ZNF276: variants seen among roughly 807,000 people sequenced by gnomAD.
The protein encoded by ZNF276 is centromere protein Z.
A neutral mutation model predicts 63.9 loss-of-function variants in ZNF276; 59 were observed. The ratio of observed to expected loss-of-function variants is 0.92; its 90% confidence interval spans 0.75 to 1.15. The LOEUF is 1.15. ZNF276 is among the 50% of genes most tolerant of loss of function. The pLI, the probability that ZNF276 is intolerant of heterozygous loss-of-function variation, is 0.00. For missense variants in ZNF276, 1,084 were observed against 843.8 expected (o/e 1.28, Z -3.53); for synonymous variants, 496 against 348.4 (o/e 1.42, Z -4.72).
intron 4 of ZNF276, among the ~76,000 whole-genome samples, chr16:89,726,192 A>G (rs2061465134): frequency 7.0e-6 from 1 of 142,638 alleles, no homozygotes; most frequent in African/African-American, 2.6e-5. Context: ...ATTTTTTTGT[A>G]TTTGTATTTG....
At position 89,739,870 on chromosome 16, in the gene ZNF276, C is replaced by A. The variant is rs779935085; in HGVS notation, c.*1624C>A. ...CAAGTTTGTGCTTAATCTGTCCCAACTAAAATGGAGCTTATAAACTTACTT... is the reference window on the plus strand; with the variant it reads ...CAAGTTTGTGCTTAATCTGTCCCAAATAAAATGGAGCTTATAAACTTACTT... On this transcript the variant is annotated 3_prime_UTR_variant, in exon 11 of 11. Coordinates refer to ENST00000443381, the MANE Select transcript of ZNF276 (RefSeq NM_001113525.2). 1 of 1,546,638 alleles carries A rather than the reference C, an allele frequency of 6.5e-7. No individual in the cohort carries two copies. Among genetic ancestry groups the A allele is most frequent in the South Asian group, 1.2e-5 (1 of 80,074 alleles).
chr16:89,729,491 C>T lies in ZNF276; in HGVS notation c.1169+173C>T, dbSNP rs1358232160. Reference sequence around the variant, plus strand: ...GAGCGGGAGGCGGGGGAGGGGCAGGCGGGCAGGTGAGAAGGTGGGTCCTCC... The same window carrying T: ...GAGCGGGAGGCGGGGGAGGGGCAGGTGGGCAGGTGAGAAGGTGGGTCCTCC... On this transcript the variant is annotated intron_variant, in intron 6 of 10. Coordinates refer to ENST00000443381, the MANE Select transcript of ZNF276 (RefSeq NM_001113525.2). 6.0e-5 allele frequency among the ~76,000 whole-genome samples: 9 copies of T among 151,186 alleles called. No individual in the cohort carries two copies. In the South Asian group the frequency reaches 6.3e-4, roughly 11 times the overall value.
Position 89,734,016 on chromosome 16 carries a change from C to T in ZNF276, c.1452C>T (p.Arg484=). The T allele has an allele frequency of 1.2e-6, 2 of 1,614,096 alleles. No homozygotes were observed. Among genetic ancestry groups the T allele is most frequent in the Non-Finnish European group, 1.7e-6 (2 of 1,180,024 alleles). ...TCATGATCGACCGCTACCTGCAGCG[C>T]CACGTGAAGCTCATCCACACAGGTA... ...KVFMIDRYLQ[R]HVKLIHTEVR... The change falls in exon 9 of 11, where the codon CGC becomes CGT. Residue 484 remains arginine, a synonymous_variant. Transcript: ENST00000443381.
At chr16:89,736,446 T>G (rs71396957) in intron 9 of ZNF276, among the ~76,000 whole-genome samples, 1,968 of 151,776 alleles carry the variant, frequency 0.013, 32 homozygotes, top group South Asian at 0.093. Context: ...TGCCTCAGCC[T>G]CCCGAGTAGC....
intron 9 of ZNF276, among the ~76,000 whole-genome samples, chr16:89,735,533 T>C (rs1817737912): frequency 6.6e-6 from 1 of 152,132 alleles, no homozygotes; most frequent in African/African-American, 2.4e-5. Flanking sequence ...CTTCAGACTC[T>C]GCATCTGTCC....
At chr16:89,734,156 T>TG in intron 9 of ZNF276, 118 bp downstream of exon 9, 2 of 862,102 alleles carry the variant, frequency 2.3e-6, no homozygotes, top group Non-Finnish European at 3.7e-6. Flanking sequence ...AGGTGGCTCA[T>TG]GGGGTCTTTG....
In ZNF276 at chr16:89,737,922, A is replaced by AC. The variant is rs779679071; in HGVS notation, c.1574+22dup. The AC allele has an allele frequency of 4.9e-5, 76 of 1,556,070 alleles. No homozygotes were observed. Among genetic ancestry groups the AC allele is most frequent in the Middle Eastern group, 3.3e-4 (2 of 6,050 alleles). On this transcript the variant is annotated intron_variant, in intron 10 of 10. Coordinates refer to ENST00000443381, the MANE Select transcript of ZNF276 (RefSeq NM_001113525.2). ...GCCTTTGCAGTAAGTGTGAGTCAGG[A>AC]CCCCCTCCCAGGGCTGTGGCCCTCG...
At chr16:89,723,857 G>T in intron 4 of ZNF276, 148 bp downstream of exon 4, 1 of 894,282 alleles carries the variant, frequency 1.1e-6, no homozygotes, top group East Asian at 2.7e-5. Flanking sequence ...TCTGCCTGCG[G>T]CTGCTCACCA....
In ZNF276 at chr16:89,739,526, CGGA is replaced by C. The variant is rs927201841; in HGVS notation, c.*1288_*1290del. The C allele has an allele frequency of 3.3e-5, 51 of 1,551,202 alleles. No individual in the cohort carries two copies. The highest frequency in any genetic ancestry group is 4.4e-5 in the Non-Finnish European group (51 of 1,147,066). On this transcript the variant is annotated 3_prime_UTR_variant, in exon 11 of 11. Transcript: ENST00000443381. ...CCTGGTGTGCTGATCCGGGGCCACA[CGGA>C]GGAGGAGCCGCCCCAGCCTGAGGTC...
chr16:89,735,994 C>A (rs1029657765), intron 9 of ZNF276, among the ~76,000 whole-genome samples: 1 of 151,662 alleles, frequency 6.6e-6, no homozygotes, highest in Admixed American at 6.6e-5. Context: ...TGGGGTAAAG[C>A]CATTCTCCTG....
chr16:89,721,390 C>T (rs961148288), upstream of ZNF276: 1 of 379,612 alleles, frequency 2.6e-6, no homozygotes, highest in Non-Finnish European at 4.7e-6. Context: ...GCGACAGAGG[C>T]GGGCACGGCC....
Position 89,721,695 on chromosome 16 carries a change from G to C in ZNF276, c.55G>C (p.Gly19Arg), listed in dbSNP as rs1043621073. 2.9e-6 allele frequency: 4 copies of C among 1,396,182 alleles called. No homozygotes were observed. The highest frequency in any genetic ancestry group is 3.1e-5 in the East Asian group (1 of 32,300). 86.5% of individuals were successfully genotyped at this position (1,396,182 alleles called of 1,614,324 possible). Reference protein sequence around the residue: ...FLSPGSSRQCGASDGGGGVSR... With the variant: ...FLSPGSSRQCRASDGGGGVSR... ...GTCTCCTGGGTCGTCCCGACAGTGC[G>C]GGGCCTCGGACGGCGGCGGCGGCGT... The change falls in exon 1 of 11, where the codon GGG (glycine) becomes CGG (arginine). Residue 19 changes from glycine (G) to arginine (R), a missense_variant. Gly to Arg is a moderately radical substitution (Grantham distance 125). Coordinates refer to ENST00000443381, the MANE Select transcript of ZNF276 (RefSeq NM_001113525.2).
rs1393782175 is a variant in ZNF276, at chr16:89,733,390, A to G, written c.1258A>G (p.Lys420Glu). Residue 420 changes from lysine (K) to glutamate (E), a missense_variant, in exon 7 of 11, where the codon AAG (lysine) becomes GAG (glutamate). Lys to Glu is a moderately conservative substitution (Grantham distance 56). Coordinates refer to ENST00000443381, the MANE Select transcript of ZNF276 (RefSeq NM_001113525.2). ...GAAGCCGGGACCCAAGCCCGGATGG[A>G]AGAAGAAGCTTCGTTGTGAGAGGTG... ...RKKPGPKPGWKKKLRCEREEL... is the reference protein window; with the variant it reads ...RKKPGPKPGWEKKLRCEREEL... 1.2e-6 allele frequency: 2 copies of G among 1,612,428 alleles called. No individual in the cohort carries two copies. Among genetic ancestry groups the G allele is most frequent in the Non-Finnish European group, 1.7e-6 (2 of 1,178,692 alleles).
In ZNF276 at chr16:89,732,896, G is replaced by A. The variant is rs1230410975; in HGVS notation, c.1170-406G>A. On this transcript the variant is annotated intron_variant, in intron 6 of 10. Coordinates refer to ENST00000443381, the MANE Select transcript of ZNF276 (RefSeq NM_001113525.2). ...CCTGCTGTACCCCGCTGTACCCTGC[G>A]CCCTCGCCCTCTGCTGTGTTCACCC... is the stretch of plus-strand genomic sequence containing the variant. 30 of 262,908 alleles carry A rather than the reference G, an allele frequency of 1.1e-4. 2 individuals are homozygous for A. Among genetic ancestry groups the A allele is most frequent in the Admixed American group, 3.4e-4 (6 of 17,726 alleles). 16.3% of individuals were successfully genotyped at this position (262,908 alleles called of 1,614,324 possible). A position where few individuals can be genotyped will look rare whatever the true frequency, so the allele number is the denominator to read the frequency against.
intron 6 of ZNF276, chr16:89,733,042 ACCCTGCG>A: frequency 2.7e-6 from 1 of 371,122 alleles, no homozygotes; most frequent in East Asian, 4.9e-5. Context: ...ACCCTGCTGT[ACCCTGCG>A]CCCTCGCCCT....
upstream of ZNF276, chr16:89,721,434 G>T: frequency 2.2e-6 from 1 of 446,112 alleles, no homozygotes; most frequent in Non-Finnish European, 3.9e-6. Flanking sequence ...GGTACGAGCG[G>T]GGGCGCTGGC....
intron 5 of ZNF276, among the ~76,000 whole-genome samples, chr16:89,727,909 C>G (rs1218945017): frequency 6.6e-6 from 1 of 152,200 alleles, no homozygotes; most frequent in Non-Finnish European, 1.5e-5. Flanking sequence ...CAGAAGGGAC[C>G]TCATCAGTGT....
chr16:89,737,589 T>C lies in ZNF276; in HGVS notation c.1475-217T>C, dbSNP rs886052477. ...TCTGAGGTTTCTTTAAAAACCATCC[T>C]GAAATGCACACAGCTGATGAAGCCA... On this transcript the variant is annotated intron_variant, in intron 9 of 10. Coordinates refer to ENST00000443381, the MANE Select transcript of ZNF276 (RefSeq NM_001113525.2). 1 of 813,272 alleles carries C rather than the reference T, an allele frequency of 1.2e-6. No homozygotes were observed. Among genetic ancestry groups the C allele is most frequent in the Admixed American group, 3.2e-5 (1 of 31,010 alleles). 50.4% of individuals were successfully genotyped at this position (813,272 alleles called of 1,614,324 possible). A position where few individuals can be genotyped will look rare whatever the true frequency, so the allele number is the denominator to read the frequency against.
In ZNF276 at chr16:89,738,742, G is replaced by GC. The variant is rs765925445; in HGVS notation, c.*499dup. 3 of 1,612,478 alleles carry GC rather than the reference G, an allele frequency of 1.9e-6. No homozygotes were observed. The Admixed American group carries it at 5.0e-5, about 27-fold the overall frequency. The stretch of plus-strand genomic sequence containing the variant: ...GAGGAGCAGGTCCTCAGCCCATGCC[G>GC]CCCACTAGGCCTCAGACCACAGGGG... On this transcript the variant is annotated 3_prime_UTR_variant, in exon 11 of 11. Coordinates refer to ENST00000443381, the MANE Select transcript of ZNF276 (RefSeq NM_001113525.2).
Sources: gnomAD v4.1 joint callset for allele counts (sites outside exome capture counted in the v4.1 genomes callset) on GRCh38, gnomAD v4.1.1 for gene constraint, MANE v1.5 for transcripts, NCBI Gene and HGNC (gene_info 2026-07-23, HGNC 2026-07-21) for gene names.